Variants in ADAM10 observed in about 807,000 individuals in gnomAD.
The protein encoded by ADAM10 is disintegrin and metalloproteinase domain-containing protein 10.
ADAM10 carries 17 observed loss-of-function variants against 90.1 expected under a neutral mutation model. That is an observed-to-expected ratio of 0.19 (90% confidence interval 0.13 to 0.28). The LOEUF is 0.28. Among genes scored for constraint, ADAM10 ranks in the 10% least tolerant of loss-of-function variants. ADAM10 has a pLI of 1.00. For missense variants in ADAM10, 610 were observed against 914.3 expected (o/e 0.67, Z 4.29); for synonymous variants, 310 against 298.6 (o/e 1.04, Z -0.40).
chr15:58,635,465 A>G (rs1896226184), intron 8 of ADAM10, among the ~76,000 whole-genome samples: 1 of 152,026 alleles, frequency 6.6e-6, no homozygotes, highest in African/African-American at 2.4e-5. Context: ...AACTTTTATG[A>G]TATTCAAAAT....
intron 1 of ADAM10, among the ~76,000 whole-genome samples, chr15:58,740,557 T>G (rs1899578368): frequency 6.6e-6 from 1 of 152,190 alleles, no homozygotes; most frequent in African/African-American, 2.4e-5. Flanking sequence ...ACTTTACATT[T>G]TTCTTGTATT....
At chr15:58,678,246 C>T (rs1014638389) in intron 4 of ADAM10, among the ~76,000 whole-genome samples, 2 of 152,100 alleles carry the variant, frequency 1.3e-5, no homozygotes, top group African/African-American at 4.8e-5. Flanking sequence ...AGCAGTTGGA[C>T]AGATGAAGTA....
At chr15:58,735,778 T>C (rs1484553244) in intron 1 of ADAM10, among the ~76,000 whole-genome samples, 1 of 152,192 alleles carries the variant, frequency 6.6e-6, no homozygotes, top group Non-Finnish European at 1.5e-5. Flanking sequence ...AATTTATTTT[T>C]CCTAATCACA....
At chr15:58,734,022 AT>A (rs1469435123) in intron 1 of ADAM10, among the ~76,000 whole-genome samples, 5 of 151,910 alleles carry the variant, frequency 3.3e-5, no homozygotes, top group Non-Finnish European at 7.4e-5. Context: ...TTTTTAAATG[AT>A]TTTTTAAGTT....
In ADAM10 at chr15:58,591,330, T is replaced by C. The variant is rs1185927149; in HGVS notation, c.*6217A>G. The C allele has an allele frequency of 2.0e-5, 3 of 152,236 alleles. No homozygotes were observed. 9.4% of individuals were successfully genotyped at this position (152,236 alleles called of 1,614,324 possible). A position where few individuals can be genotyped will look rare whatever the true frequency, so the allele number is the denominator to read the frequency against. ...AGTTTAATTCCACTAAAACAATCAT[T>C]ATGAAAATCATTATGAATACAGGTC... On this transcript the variant is annotated 3_prime_UTR_variant, in exon 16 of 16. Coordinates refer to ENST00000260408, the MANE Select transcript of ADAM10 (RefSeq NM_001110.4).
intron 2 of ADAM10, among the ~76,000 whole-genome samples, chr15:58,700,370 T>C (rs532543601): frequency 2.6e-5 from 4 of 152,222 alleles, no homozygotes; most frequent in East Asian, 3.9e-4. Context: ...TTTTTTTAAA[T>C]AGAAATCATA....
intron 9 of ADAM10, among the ~76,000 whole-genome samples, chr15:58,631,792 C>G (rs753669080): frequency 1.3e-5 from 2 of 152,144 alleles, no homozygotes; most frequent in East Asian, 3.8e-4. Context: ...CTGCTCATCT[C>G]TAAAATTCCA....
chr15:58,691,411 TG>T (rs1461114731), intron 2 of ADAM10: 2 of 705,966 alleles, frequency 2.8e-6, no homozygotes, highest in South Asian at 2.7e-5. Context: ...AAAGCAGAGT[TG>T]GCTACCTGCT....
intron 2 of ADAM10, chr15:58,691,558 TA>T (rs752811322): frequency 3.8e-6 from 2 of 526,732 alleles, no homozygotes; most frequent in African/African-American, 1.9e-5. Context: ...TGTCGCCAGT[TA>T]ATAGAGTCCT....
chr15:58,702,163 A>C (rs1898153876), intron 2 of ADAM10, among the ~76,000 whole-genome samples: 1 of 152,152 alleles, frequency 6.6e-6, no homozygotes, highest in Non-Finnish European at 1.5e-5. Flanking sequence ...ATGGAACTAG[A>C]GGTCATTATG....
intron 1 of ADAM10, chr15:58,748,044 CAGAG>C (rs58537904): frequency 1.2e-4 from 19 of 152,174 alleles, no homozygotes; most frequent in African/African-American, 4.3e-4. Context: ...GCTCCTCTAA[CAGAG>C]AGTCTCCCGC....
intron 5 of ADAM10, among the ~76,000 whole-genome samples, chr15:58,646,436 T>A (rs958794460): frequency 2.0e-5 from 3 of 152,222 alleles, no homozygotes; most frequent in African/African-American, 7.2e-5. Flanking sequence ...AAAACATGTA[T>A]TTTAATATGT....
At chr15:58,706,103 T>C (rs1237761712) in intron 2 of ADAM10, among the ~76,000 whole-genome samples, 1 of 152,220 alleles carries the variant, frequency 6.6e-6, no homozygotes, top group East Asian at 1.9e-4. Flanking sequence ...GTTGCTATTT[T>C]AGCTAAAGAC....
rs1895061162 is a variant in ADAM10, at chr15:58,599,819, T to C, written c.2026-95A>G. 3 of 1,248,212 alleles carry C rather than the reference T, an allele frequency of 2.4e-6. No homozygotes were observed. In the East Asian group the frequency reaches 7.6e-5, roughly 31 times the overall value. 77.3% of individuals were successfully genotyped at this position (1,248,212 alleles called of 1,614,324 possible). A position where few individuals can be genotyped will look rare whatever the true frequency, so the allele number is the denominator to read the frequency against. The stretch of plus-strand genomic sequence containing the variant: ...ATATAAAACATAGAATAGAACACAG[T>C]ATATTGTAATTTTTAAAGAACATTT... On this transcript the variant is annotated intron_variant, in intron 14 of 15. Coordinates refer to ENST00000260408, the MANE Select transcript of ADAM10 (RefSeq NM_001110.4).
intron 2 of ADAM10, among the ~76,000 whole-genome samples, chr15:58,683,880 A>AAAAAAAAAAAAAAAAT (rs386383145): frequency 6.9e-6 from 1 of 145,698 alleles, no homozygotes; most frequent in Non-Finnish European, 1.5e-5. Flanking sequence ...AAAAAAAAAA[A>AAAAAAAAAAAAAAAAT]AAAGAGAAGG....
Position 58,597,228 on chromosome 15 carries a change from C to T in ADAM10, c.*319G>A. The T allele has an allele frequency of 1.3e-6, 1 of 747,256 alleles. No individual in the cohort carries two copies. The highest frequency in any genetic ancestry group is 2.1e-6 in the Non-Finnish European group (1 of 476,556). The allele number at this position is 747,256 out of a possible 1,614,324, so 46.3% of individuals were successfully genotyped here. A position where few individuals can be genotyped will look rare whatever the true frequency, so the allele number is the denominator to read the frequency against. On this transcript the variant is annotated 3_prime_UTR_variant, in exon 16 of 16. Transcript: ENST00000260408. ...AAAGTTTATTGAGAGCCAAGTTTGC[C>T]TGCAAGTGAAGAAAATGCAGCAACG...
intron 4 of ADAM10, among the ~76,000 whole-genome samples, chr15:58,677,633 T>C (rs573487708): frequency 1.3e-5 from 2 of 152,174 alleles, no homozygotes; most frequent in African/African-American, 2.4e-5. Context: ...ACAAATACAG[T>C]AGAGGGCACT....
chr15:58,692,468 T>C (rs761412208), intron 2 of ADAM10: 2 of 525,682 alleles, frequency 3.8e-6, no homozygotes, highest in South Asian at 1.5e-5. Context: ...GTCTTGGGCT[T>C]TTCTTTATCA....
Position 58,673,480 on chromosome 15 carries a change from TA to T in ADAM10, c.484+5643del, listed in dbSNP as rs200492185. 9.7e-3 allele frequency among the ~76,000 whole-genome samples: 1,470 copies of T among 151,392 alleles called. 22 individuals carry two copies. Among genetic ancestry groups the T allele is most frequent in the African/African-American group, 0.034 (1,389 of 41,352 alleles). ...TTTTAAAAATCTTATATTTCTGAAA[TA>T]ATTCATTGTATTTCATTATAGCTAA... On this transcript the variant is annotated intron_variant, in intron 4 of 15. Coordinates refer to ENST00000260408, the MANE Select transcript of ADAM10 (RefSeq NM_001110.4).
Sources: gnomAD v4.1 joint callset for allele counts (sites outside exome capture counted in the v4.1 genomes callset) on GRCh38, gnomAD v4.1.1 for gene constraint, MANE v1.5 for transcripts, NCBI Gene and HGNC (gene_info 2026-07-23, HGNC 2026-07-21) for gene names.